Variants in EMC7 observed in about 807,000 individuals in gnomAD.
EMC7 encodes endoplasmic reticulum membrane protein complex subunit 7.
In EMC7, 4 loss-of-function variants were observed where a neutral mutation model predicts 24.4. The observed-to-expected ratio is 0.16, with a 90% CI of 0.08 to 0.38. EMC7 has a LOEUF of 0.38. EMC7 is among the 10% of genes least tolerant of loss of function. The pLI is 1.00. For synonymous variants in EMC7, 106 were observed against 112.0 expected, an observed-to-expected ratio of 0.95 and a Z score of 0.34; for missense variants, 221 against 300.6, an observed-to-expected ratio of 0.74 and a Z score of 1.96.
chr15:34,101,848 C>T lies in EMC7; in HGVS notation c.-9G>A, dbSNP rs752576757. On this transcript the variant is annotated 5_prime_UTR_variant, in exon 1 of 5. Coordinates refer to ENST00000256545, the MANE Select transcript of EMC7 (RefSeq NM_020154.3). ...CACAGAGCGGCCGCCATGACAGCAGCTCTGCACTCAGACCGGCAGCCCCGG... is the reference window on the plus strand; with the variant it reads ...CACAGAGCGGCCGCCATGACAGCAGTTCTGCACTCAGACCGGCAGCCCCGG... The T allele has an allele frequency of 8.2e-6, 13 of 1,583,032 alleles. No homozygotes were observed. Among genetic ancestry groups the T allele is most frequent in the Non-Finnish European group, 1.1e-5 (13 of 1,167,852 alleles).
intron 1 of EMC7, among the ~76,000 whole-genome samples, chr15:34,098,200 G>C (rs1389668620): frequency 1.3e-5 from 2 of 152,006 alleles, no homozygotes; most frequent in Non-Finnish European, 2.9e-5. Flanking sequence ...CTGTGTTAAG[G>C]GACTGGTTTG....
rs72720715 is a variant in EMC7, at chr15:34,091,589, G to A, written c.357-1134C>T. On this transcript the variant is annotated intron_variant, in intron 2 of 4. Coordinates refer to ENST00000256545, the MANE Select transcript of EMC7 (RefSeq NM_020154.3). ...AGGAGCGTAACTATCAGTTTTCAGG[G>A]GAGACTTTTTCCCCCAAAGGCCAGC... 8.3e-3 allele frequency among the ~76,000 whole-genome samples: 1,261 copies of A among 152,206 alleles called. 6 individuals carry two copies. Among genetic ancestry groups the A allele is most frequent in the Non-Finnish European group, 0.013 (908 of 68,004 alleles).
At chr15:34,090,246 G>A in intron 3 of EMC7, 71 bp downstream of exon 3, 5 of 1,463,226 alleles carry the variant, frequency 3.4e-6, no homozygotes, top group East Asian at 2.3e-5. Context: ...ATCTCACAGA[G>A]GTTTGAAGTT....
chr15:34,093,590 C>T (rs1456546575), intron 2 of EMC7, among the ~76,000 whole-genome samples: 1 of 150,242 alleles, frequency 6.7e-6, no homozygotes, highest in Non-Finnish European at 1.5e-5. Flanking sequence ...TTTTGTGTAG[C>T]AGCTCTCATT....
intron 2 of EMC7, 75 bp from the exon 3 acceptor site, chr15:34,090,530 T>A: frequency 6.8e-7 from 1 of 1,479,922 alleles, no homozygotes; most frequent in Non-Finnish European, 9.1e-7. Flanking sequence ...GCTTATATTA[T>A]ATTAGCAATG....
rs760052605 is a variant in EMC7, at chr15:34,093,803, A to ACACACACACACG, written c.356+2091_356+2092insCGTGTGTGTGTG. Among the ~76,000 whole-genome samples, 290 of 30,986 alleles carry ACACACACACACG rather than the reference A, an allele frequency of 9.4e-3. 3 individuals are homozygous for ACACACACACACG. The highest frequency in any genetic ancestry group is 0.02 in the African/African-American group (188 of 9,382). The allele number at this position is 30,986 out of a possible 152,430, so 20.3% of individuals were successfully genotyped here. On this transcript the variant is annotated intron_variant, in intron 2 of 4. Transcript: ENST00000256545. ...TGTATACACACACACACACACACAC[A>ACACACACACACG]CACATATATATATATATATATTTTT...
intron 2 of EMC7, among the ~76,000 whole-genome samples, chr15:34,094,518 G>A (rs770510789): frequency 6.6e-5 from 10 of 152,062 alleles, no homozygotes; most frequent in African/African-American, 2.4e-5. Flanking sequence ...CTGGGTGACA[G>A]AGCGAGACTC....
chr15:34,093,102 G>A (rs1901004393), intron 2 of EMC7, among the ~76,000 whole-genome samples: 1 of 152,108 alleles, frequency 6.6e-6, no homozygotes, highest in Non-Finnish European at 1.5e-5. Flanking sequence ...TTAAAGTATG[G>A]TTTCTACTGT....
intron 4 of EMC7, 41 bp from the exon 5 acceptor site, chr15:34,084,527 A>G (rs777873989): frequency 1.3e-6 from 2 of 1,589,710 alleles, no homozygotes; most frequent in Non-Finnish European, 1.7e-6. Context: ...GGATCCTTCG[A>G]GTCTTTTAAC....
At chr15:34,093,782 T>TATACACACACACACACACACAC (rs1901015467) in intron 2 of EMC7, among the ~76,000 whole-genome samples, 3 of 23,396 alleles carry the variant, frequency 1.3e-4, no homozygotes, top group African/African-American at 2.4e-4. Context: ...CATATATGTA[T>TATACACACACACACACACACAC]ACACACACAC....
chr15:34,098,093 T>C (rs1901108567), intron 1 of EMC7, among the ~76,000 whole-genome samples: 2 of 152,192 alleles, frequency 1.3e-5, no homozygotes, highest in Admixed American at 1.3e-4. Flanking sequence ...AGATCCACTC[T>C]CTACCTTTCT....
rs140073911 is a variant in EMC7 at position 34,096,233 on chromosome 15, C to A, written c.237-219G>T. Among the ~76,000 whole-genome samples the A allele has an allele frequency of 3.4e-3, 519 of 152,324 alleles. 3 individuals carry two copies. Among genetic ancestry groups the A allele is most frequent in the African/African-American group, 0.012 (498 of 41,558 alleles). ...ACGCTCAGGGTGGAGTGCAATGGCA[C>A]GATCTCAGCTCGCTGCAACTTCCGC... On this transcript the variant is annotated intron_variant, in intron 1 of 4. Coordinates refer to ENST00000256545, the MANE Select transcript of EMC7 (RefSeq NM_020154.3).
At chr15:34,095,122 T>C (rs1262100329) in intron 2 of EMC7, among the ~76,000 whole-genome samples, 1 of 152,136 alleles carries the variant, frequency 6.6e-6, no homozygotes, top group Non-Finnish European at 1.5e-5. Context: ...CCTCCAGAAA[T>C]TGTTTTTGCC....
In EMC7 at chr15:34,084,236, G is replaced by T; in HGVS notation, c.*98C>A. The T allele has an allele frequency of 1.4e-6, 2 of 1,428,394 alleles. No homozygotes were observed. Among genetic ancestry groups the T allele is most frequent in the South Asian group, 2.8e-5 (2 of 72,674 alleles). The allele number at this position is 1,428,394 out of a possible 1,614,324, so 88.5% of individuals were successfully genotyped here. The stretch of plus-strand genomic sequence containing the variant: ...AGTTGTAAGAGATCAACGTCGGGAT[G>T]ACTCAAGTTTATAGTAGTTGCTTCA... On this transcript the variant is annotated 3_prime_UTR_variant, in exon 5 of 5. Transcript: ENST00000256545.
chr15:34,085,445 G>A (rs12591859), intron 4 of EMC7, among the ~76,000 whole-genome samples: 72,108 of 151,896 alleles, frequency 0.47, 20,547 homozygotes, highest in Non-Finnish European at 0.64. Context: ...ATTCATACAT[G>A]AAAAAGATAG....
chr15:34,093,636 T>A (rs1901013002), intron 2 of EMC7, among the ~76,000 whole-genome samples: 1 of 150,442 alleles, frequency 6.6e-6, no homozygotes, highest in African/African-American at 2.5e-5. Context: ...AAAAAAAATG[T>A]TTAAAGCAGT....
intron 2 of EMC7, among the ~76,000 whole-genome samples, chr15:34,091,243 T>A (rs928301115): frequency 2.6e-5 from 4 of 152,242 alleles, no homozygotes; most frequent in African/African-American, 9.6e-5. Context: ...GTCTTTTATT[T>A]CCTTAAGTAC....
intron 2 of EMC7, among the ~76,000 whole-genome samples, chr15:34,095,546 GTGA>G (rs1397029776): frequency 7.2e-5 from 11 of 152,282 alleles, no homozygotes; most frequent in African/African-American, 2.6e-4. Context: ...TGAAAAACAG[GTGA>G]TGAATAGTAT....
chr15:34,094,166 A>T (rs1025418165), intron 2 of EMC7, among the ~76,000 whole-genome samples: 1 of 151,906 alleles, frequency 6.6e-6, no homozygotes, highest in Non-Finnish European at 1.5e-5. Context: ...GCACTTTGGG[A>T]GGCCAAAGTG....
Sources: gnomAD v4.1 joint callset for allele counts (sites outside exome capture counted in the v4.1 genomes callset) on GRCh38, gnomAD v4.1.1 for gene constraint, MANE v1.5 for transcripts, NCBI Gene and HGNC (gene_info 2026-07-23, HGNC 2026-07-21) for gene names.